The following CECR2 variants were observed in gnomAD, a reference collection of about 807,000 sequenced individuals.
The protein encoded by CECR2 is chromatin remodeling regulator CECR2.
In CECR2, 30 loss-of-function variants were observed where a neutral mutation model predicts 154.5. The observed-to-expected ratio is 0.19, with a 90% CI of 0.15 to 0.26. The LOEUF (loss-of-function observed/expected upper bound fraction) is 0.26. CECR2 is among the 10% of genes least tolerant of loss of function. The probability of loss-of-function intolerance (pLI) is 1.00; values close to 1 mark genes in which losing one functional copy is unlikely to be tolerated. For missense variants in CECR2, 1,743 were observed against 1,829.3 expected (o/e 0.95, Z 0.86); for synonymous variants, 725 against 683.7 (o/e 1.06, Z -0.94).
intron 8 of CECR2, among the ~76,000 whole-genome samples, chr22:17,514,899 G>T (rs1569134780): frequency 6.6e-6 from 1 of 151,958 alleles, no homozygotes; most frequent in South Asian, 2.1e-4. Context: ...TGGGCGTGGT[G>T]GTGGGCGCCT....
chr22:17,541,983 T>C lies in CECR2; in HGVS notation c.2013+16T>C. ...CACCATGCAGGTAAGCAGCCTACTCTGGAGGTGCAGGTGCAGGGGGTCCCA... is the reference window on the plus strand; with the variant it reads ...CACCATGCAGGTAAGCAGCCTACTCCGGAGGTGCAGGTGCAGGGGGTCCCA... On this transcript the variant is annotated intron_variant, in intron 15 of 18. Transcript: ENST00000262608. The C allele has an allele frequency of 2.5e-6, 4 of 1,607,726 alleles. No homozygotes were observed. Among genetic ancestry groups the C allele is most frequent in the Non-Finnish European group, 3.4e-6 (4 of 1,176,804 alleles).
At chr22:17,435,207 CTTTT>C (rs962873112) in intron 1 of CECR2, among the ~76,000 whole-genome samples, 2 of 150,816 alleles carry the variant, frequency 1.3e-5, no homozygotes, top group Non-Finnish European at 3.0e-5. Context: ...TTCTTTCTTT[CTTTT>C]TTTTTAATGT....
At chr22:17,537,018 C>A in intron 9 of CECR2, 85 bp from the exon 10 acceptor site, 2 of 1,507,588 alleles carry the variant, frequency 1.3e-6, no homozygotes, top group African/African-American at 1.4e-5. Flanking sequence ...TGGCCTGGTT[C>A]TTCCTTCTCT....
At chr22:17,469,997 G>C (rs1285279277) in intron 1 of CECR2, among the ~76,000 whole-genome samples, 1 of 152,142 alleles carries the variant, frequency 6.6e-6, no homozygotes, top group African/African-American at 2.4e-5. Flanking sequence ...ACAGAGCCTG[G>C]CACATAGTAT....
intron 9 of CECR2, 191 bp downstream of exon 9, chr22:17,524,462 A>T: frequency 5.4e-6 from 3 of 556,328 alleles, no homozygotes; most frequent in Non-Finnish European, 8.7e-6. Flanking sequence ...GCGTGATCTC[A>T]GCTCACTGCA....
chr22:17,485,499 G>T (rs2055404278), intron 2 of CECR2, among the ~76,000 whole-genome samples: 1 of 152,210 alleles, frequency 6.6e-6, no homozygotes, highest in South Asian at 2.1e-4. Context: ...CGGGCGTGGT[G>T]GCTCACGCCT....
intron 1 of CECR2, among the ~76,000 whole-genome samples, chr22:17,380,399 A>G (rs2063173236): frequency 1.3e-5 from 2 of 152,222 alleles, no homozygotes; most frequent in Non-Finnish European, 2.9e-5. Flanking sequence ...TGTGGCCTTT[A>G]CAAAAGACAT....
At chr22:17,431,140 G>A (rs1027200335) in intron 1 of CECR2, among the ~76,000 whole-genome samples, 2 of 152,062 alleles carry the variant, frequency 1.3e-5, no homozygotes, top group Admixed American at 1.3e-4. Context: ...TAAAGCTGGG[G>A]TAAAAAAGAA....
chr22:17,539,256 C>A, intron 13 of CECR2, 137 bp downstream of exon 13: 1 of 924,346 alleles, frequency 1.1e-6, no homozygotes, highest in Non-Finnish European at 1.6e-6. Context: ...TGGGATTGAC[C>A]ATTCCAGCCA....
intron 1 of CECR2, among the ~76,000 whole-genome samples, chr22:17,380,493 T>C (rs1232130288): frequency 6.6e-6 from 1 of 152,208 alleles, no homozygotes; most frequent in Non-Finnish European, 1.5e-5. Flanking sequence ...GCCCAGACTC[T>C]TTATGAGCTA....
At chr22:17,481,998 C>T (rs2055329235) in intron 2 of CECR2, among the ~76,000 whole-genome samples, 1 of 150,334 alleles carries the variant, frequency 6.7e-6, no homozygotes. Context: ...ACCTGTAGTC[C>T]CAGCTACTCG....
chr22:17,525,725 C>A (rs1295876415), intron 9 of CECR2, among the ~76,000 whole-genome samples: 1 of 152,174 alleles, frequency 6.6e-6, no homozygotes, highest in Non-Finnish European at 1.5e-5. Flanking sequence ...CATTTAAATT[C>A]CTCAGGACAT....
intron 14 of CECR2, among the ~76,000 whole-genome samples, chr22:17,541,412 C>G (rs1410103544): frequency 1.3e-5 from 2 of 151,982 alleles, no homozygotes; most frequent in Non-Finnish European, 2.9e-5. Context: ...GCCACTGCAC[C>G]TTAGCCTGGG....
chr22:17,389,876 C>G (rs553619864), intron 1 of CECR2, among the ~76,000 whole-genome samples: 1 of 152,132 alleles, frequency 6.6e-6, no homozygotes. Flanking sequence ...GATCCGCCCA[C>G]CTCGGCGTCC....
chr22:17,548,145 C>A lies in CECR2; in HGVS notation c.2861-3C>A, dbSNP rs1382241579. 1.4e-6 allele frequency: 2 copies of A among 1,420,992 alleles called. No individual in the cohort carries two copies. Among genetic ancestry groups the A allele is most frequent in the Admixed American group, 5.8e-5 (2 of 34,634 alleles). 88.0% of individuals were successfully genotyped at this position (1,420,992 alleles called of 1,614,324 possible). On this transcript the variant is annotated splice_region_variant and splice_polypyrimidine_tract_variant and intron_variant, in intron 16 of 18. Coordinates refer to ENST00000262608, the MANE Select transcript of CECR2 (RefSeq NM_001290047.2). ...TTTCTCCTCTTTTTTTTTTTTTTTG[C>A]AGCAGAGCCGTTGCCTGGCCTTGAA...
chr22:17,550,755 A>AC (rs1284913268), intron 17 of CECR2, among the ~76,000 whole-genome samples: 9 of 152,316 alleles, frequency 5.9e-5, no homozygotes, highest in African/African-American at 2.2e-4. Context: ...ATCCTGGCTA[A>AC]CACGGTGAAA....
chr22:17,546,995 C>T (rs1347818263), intron 16 of CECR2, among the ~76,000 whole-genome samples: 5 of 142,242 alleles, frequency 3.5e-5, no homozygotes, highest in East Asian at 2.1e-4. Context: ...GCCAAGATCA[C>T]GCCACTGCAC....
intron 8 of CECR2, among the ~76,000 whole-genome samples, chr22:17,513,424 C>T (rs893010469): frequency 4.6e-5 from 7 of 152,152 alleles, no homozygotes; most frequent in South Asian, 2.1e-4. Context: ...ATTTGAGTGA[C>T]GACACGATGT....
intron 7 of CECR2, among the ~76,000 whole-genome samples, chr22:17,510,758 T>C (rs2055932002): frequency 1.3e-5 from 2 of 152,098 alleles, no homozygotes; most frequent in Admixed American, 6.6e-5. Context: ...CGCACCACCA[T>C]GCCTGGCTAA....
Sources: gnomAD v4.1 joint callset for allele counts (sites outside exome capture counted in the v4.1 genomes callset) on GRCh38, gnomAD v4.1.1 for gene constraint, MANE v1.5 for transcripts, NCBI Gene and HGNC (gene_info 2026-07-23, HGNC 2026-07-21) for gene names.